Variants in MAML1 observed in about 807,000 individuals in gnomAD.
MAML1 encodes mastermind-like protein 1.
In MAML1, 14 loss-of-function variants were observed where a neutral mutation model predicts 77.1. The observed-to-expected ratio is 0.18, with a 90% CI of 0.12 to 0.28. MAML1 has a LOEUF of 0.28. MAML1 is among the 10% of genes least tolerant of loss of function. MAML1 has a pLI of 1.00. For synonymous variants in MAML1, 516 were observed against 551.9 expected (o/e 0.93, Z 0.91); for missense variants, 1,217 against 1,327.8 (o/e 0.92, Z 1.30).
Position 179,766,811 on chromosome 5 carries a change from T to G in MAML1, c.1731+70T>G, listed in dbSNP as rs527367242. The G allele has an allele frequency of 3.5e-5, 46 of 1,299,112 alleles. No homozygotes were observed. The Admixed American group carries it at 5.3e-4, about 15-fold the overall frequency. The allele number at this position is 1,299,112 out of a possible 1,614,324, so 80.5% of individuals were successfully genotyped here. ...CAGTGAGGTTACTCACTACTTTGGA[T>G]GTTAATTGGATCCGAGGTAGTTGTG... On this transcript the variant is annotated intron_variant, in intron 2 of 4. Transcript: ENST00000292599. The surrounding 1 kb of genome is among the most constrained non-coding windows in gnomAD (Gnocchi z 4.0).
intron 1 of MAML1, among the ~76,000 whole-genome samples, chr5:179,735,168 G>A (rs563234232): frequency 6.6e-6 from 1 of 151,844 alleles, no homozygotes; most frequent in Non-Finnish European, 1.5e-5. Flanking sequence ...AAAACTTAAA[G>A]TATGATAATA....
chr5:179,764,267 A>G (rs1043794277), intron 1 of MAML1, among the ~76,000 whole-genome samples: 2 of 152,192 alleles, frequency 1.3e-5, no homozygotes, highest in African/African-American at 4.8e-5. Context: ...CAGAATCTTA[A>G]TAACTTCAGT....
chr5:179,751,155 T>A (rs988453044), intron 1 of MAML1, among the ~76,000 whole-genome samples: 1 of 152,006 alleles, frequency 6.6e-6, no homozygotes, highest in Non-Finnish European at 1.5e-5. Flanking sequence ...TTATTTTTAG[T>A]AGAGACAGGG....
At chr5:179,758,767 C>A (rs926301140) in intron 1 of MAML1, among the ~76,000 whole-genome samples, 3 of 151,986 alleles carry the variant, frequency 2.0e-5, no homozygotes, top group African/African-American at 7.3e-5. Flanking sequence ...CTTTGGGAGA[C>A]CAAGGTGGGC....
At position 179,777,031 on chromosome 5, in the gene MAML1, C is replaced by T. The variant is rs1346691798; in HGVS notation, c.*2154C>T. ...ATGAAAGATGGAATAAGCGCTAGAG[C>T]TTCCAACTGTATATTTTTTACTTTT... is the stretch of plus-strand genomic sequence containing the variant. On this transcript the variant is annotated 3_prime_UTR_variant, in exon 5 of 5. Coordinates refer to ENST00000292599, the MANE Select transcript of MAML1 (RefSeq NM_014757.5). The T allele has an allele frequency of 2.0e-6, 2 of 983,684 alleles. No individual in the cohort carries two copies. The highest frequency in any genetic ancestry group is 3.5e-5 in the African/African-American group (2 of 57,192). The allele number at this position is 983,684 out of a possible 1,614,324, so 60.9% of individuals were successfully genotyped here.
chr5:179,747,731 A>AC lies in MAML1; in HGVS notation c.315+14308dup, dbSNP rs542453471. Among the ~76,000 whole-genome samples, 907 of 136,802 alleles carry AC rather than the reference A, an allele frequency of 6.6e-3. 9 individuals carry two copies. Among genetic ancestry groups the AC allele is most frequent in the African/African-American group, 0.023 (844 of 36,706 alleles). 89.7% of individuals were successfully genotyped at this position (136,802 alleles called of 152,430 possible). A position where few individuals can be genotyped will look rare whatever the true frequency, so the allele number is the denominator to read the frequency against. On this transcript the variant is annotated intron_variant, in intron 1 of 4. Transcript: ENST00000292599. ...AGGCTGAGGCAGGAGAATGGCGTGA[A>AC]CCCCGGGAGGCGGAGCCTGCAGTGA...
intron 1 of MAML1, among the ~76,000 whole-genome samples, chr5:179,737,672 T>C (rs1408460060): frequency 6.6e-6 from 1 of 152,170 alleles, no homozygotes; most frequent in Admixed American, 6.5e-5. Flanking sequence ...CACTTCAGAT[T>C]ATTGTTTTCT....
Position 179,776,140 on chromosome 5 carries a change from C to A in MAML1, c.*1263C>A. On this transcript the variant is annotated 3_prime_UTR_variant, in exon 5 of 5. Coordinates refer to ENST00000292599, the MANE Select transcript of MAML1 (RefSeq NM_014757.5). ...AAAACGAAGATGGAGAGAGCACTTC[C>A]CCGTAACGAAAGCAAAGTGGTAAGC... 1 of 985,868 alleles carries A rather than the reference C, an allele frequency of 1.0e-6. No homozygotes were observed. The highest frequency in any genetic ancestry group is 1.2e-6 in the Non-Finnish European group (1 of 829,928). 61.1% of individuals were successfully genotyped at this position (985,868 alleles called of 1,614,324 possible). A position where few individuals can be genotyped will look rare whatever the true frequency, so the allele number is the denominator to read the frequency against.
chr5:179,737,812 T>G (rs1233089257), intron 1 of MAML1, among the ~76,000 whole-genome samples: 1 of 152,184 alleles, frequency 6.6e-6, no homozygotes, highest in African/African-American at 2.4e-5. Flanking sequence ...TTTTCATTTC[T>G]TTTCCTTTTT....
At chr5:179,770,277 T>A (rs1284099221) in intron 3 of MAML1, among the ~76,000 whole-genome samples, 3 of 151,974 alleles carry the variant, frequency 2.0e-5, no homozygotes, top group Non-Finnish European at 4.4e-5. Flanking sequence ...TGAAACCCCG[T>A]CTCTACTAAA....
chr5:179,773,940 A>C lies in MAML1; in HGVS notation c.2114A>C (p.Asn705Thr). The C allele has an allele frequency of 6.2e-7, 1 of 1,614,128 alleles. No individual in the cohort carries two copies. Among genetic ancestry groups the C allele is most frequent in the Non-Finnish European group, 8.5e-7 (1 of 1,180,030 alleles). ...VPGMNTLGPS[N>T]SSCPRVFPQA... ...GGCATGAACACCTTGGGTCCATCCAACTCCAGCTGTCCTCGAGTGTTCCCT... is the reference window on the plus strand; with the variant it reads ...GGCATGAACACCTTGGGTCCATCCACCTCCAGCTGTCCTCGAGTGTTCCCT... Residue 705 changes from asparagine (N) to threonine (T), a missense_variant, in exon 5 of 5, where the codon AAC (asparagine) becomes ACC (threonine). This residue lies in a region of MAML1 where 884 missense variants were observed against 949.3 expected (regional missense o/e 0.93). Transcript: ENST00000292599.
chr5:179,776,975 GC>G lies in MAML1; in HGVS notation c.*2099del. 1 of 985,056 alleles carries G rather than the reference GC, an allele frequency of 1.0e-6. No homozygotes were observed. The highest frequency in any genetic ancestry group is 1.2e-6 in the Non-Finnish European group (1 of 829,186). 61.0% of individuals were successfully genotyped at this position (985,056 alleles called of 1,614,324 possible). On this transcript the variant is annotated 3_prime_UTR_variant, in exon 5 of 5. Transcript: ENST00000292599. ...GCTCAGACTTTTGTTATACACATTTGCTTTGTGTAAATAAATGTTTACAATT... is the reference window on the plus strand; with the variant it reads ...GCTCAGACTTTTGTTATACACATTTGTTTGTGTAAATAAATGTTTACAATT...
Position 179,767,005 on chromosome 5 carries a change from T to C in MAML1, c.1731+264T>C, listed in dbSNP as rs1374350799. 2.6e-5 allele frequency among the ~76,000 whole-genome samples: 4 copies of C among 152,292 alleles called. No individual in the cohort carries two copies. The South Asian group carries it at 8.3e-4, about 32-fold the overall frequency. ...GGAATCACCTGCATTTAGTCCACTG[T>C]CTCTTTCGTGCCGTAGGATTTAAAT... On this transcript the variant is annotated intron_variant, in intron 2 of 4. Transcript: ENST00000292599.
Position 179,747,808 on chromosome 5 carries a change from C to CAA in MAML1, c.315+14401_315+14402dup, listed in dbSNP as rs71001044. Among the ~76,000 whole-genome samples, 64 of 40,894 alleles carry CAA rather than the reference C, an allele frequency of 1.6e-3. 11 individuals carry two copies. Among genetic ancestry groups the CAA allele is most frequent in the African/African-American group, 5.8e-3 (59 of 10,140 alleles). 26.8% of individuals were successfully genotyped at this position (40,894 alleles called of 152,430 possible). Reference sequence around the variant, plus strand: ...CCTGGGCGACAGCGAGACTCCATCTCAAAAAAAAAAAAAAAAAAAAAGAAG... The same window carrying CAA: ...CCTGGGCGACAGCGAGACTCCATCTCAAAAAAAAAAAAAAAAAAAAAAAGAAG... On this transcript the variant is annotated intron_variant, in intron 1 of 4. Coordinates refer to ENST00000292599, the MANE Select transcript of MAML1 (RefSeq NM_014757.5).
intron 1 of MAML1, among the ~76,000 whole-genome samples, chr5:179,743,586 C>G (rs964327814): frequency 6.6e-6 from 1 of 150,892 alleles, no homozygotes; most frequent in African/African-American, 2.4e-5. Flanking sequence ...TAGCCAGCCT[C>G]GATCTCCTAA....
chr5:179,769,187 C>G lies in MAML1; in HGVS notation c.1971+98C>G. On this transcript the variant is annotated intron_variant, in intron 3 of 4. Coordinates refer to ENST00000292599, the MANE Select transcript of MAML1 (RefSeq NM_014757.5). This position sits in a 1 kb window ranked among gnomAD's most constrained non-coding sequence, Gnocchi z 4.2. Reference sequence around the variant, plus strand: ...CCTTCTGCTTGTGCGTGTGGATTTGCGCAGACTTGCGTGCCTGTTGTTAGA... The same window carrying G: ...CCTTCTGCTTGTGCGTGTGGATTTGGGCAGACTTGCGTGCCTGTTGTTAGA... The G allele has an allele frequency of 6.6e-7, 1 of 1,509,280 alleles. No homozygotes were observed. The highest frequency in any genetic ancestry group is 9.0e-7 in the Non-Finnish European group (1 of 1,111,664). 93.5% of individuals were successfully genotyped at this position (1,509,280 alleles called of 1,614,324 possible). A position where few individuals can be genotyped will look rare whatever the true frequency, so the allele number is the denominator to read the frequency against.
chr5:179,776,201 G>T lies in MAML1; in HGVS notation c.*1324G>T. ...ACCCTTTTACACAGAATGGTGGAGA[G>T]AAAAGAGAATGCTGAAAAGTGGCTC... On this transcript the variant is annotated 3_prime_UTR_variant, in exon 5 of 5. Transcript: ENST00000292599. The T allele has an allele frequency of 1.0e-6, 1 of 985,934 alleles. No homozygotes were observed. 61.1% of individuals were successfully genotyped at this position (985,934 alleles called of 1,614,324 possible). A position where few individuals can be genotyped will look rare whatever the true frequency, so the allele number is the denominator to read the frequency against.
rs61751563 is a variant in MAML1, at chr5:179,733,401, G to C, written c.289G>C (p.Gly97Arg). ...APAPRLDAAD[G>R]PEHGRPATHL... ...GGCCCCGCGCCTGGACGCCGCTGACGGCCCCGAGCACGGCCGCCCGGCCAC... is the reference window on the plus strand; with the variant it reads ...GGCCCCGCGCCTGGACGCCGCTGACCGCCCCGAGCACGGCCGCCCGGCCAC... The change falls in exon 1 of 5, where the codon GGC (glycine) becomes CGC (arginine). Residue 97 changes from glycine to arginine, a missense_variant. Coordinates refer to ENST00000292599, the MANE Select transcript of MAML1 (RefSeq NM_014757.5). 0.047 allele frequency: 53,687 copies of C among 1,151,656 alleles called. 1,354 individuals carry two copies. Among genetic ancestry groups the C allele is most frequent in the Middle Eastern group, 0.07 (192 of 2,724 alleles). The allele number at this position is 1,151,656 out of a possible 1,614,324, so 71.3% of individuals were successfully genotyped here. A position where few individuals can be genotyped will look rare whatever the true frequency, so the allele number is the denominator to read the frequency against.
chr5:179,738,370 A>G (rs749312989), intron 1 of MAML1, among the ~76,000 whole-genome samples: 2 of 152,190 alleles, frequency 1.3e-5, no homozygotes, highest in Admixed American at 6.5e-5. Context: ...TGAAATAACA[A>G]ATTATTTCCA....
Sources: gnomAD v4.1 joint callset for allele counts (sites outside exome capture counted in the v4.1 genomes callset) on GRCh38, gnomAD v4.1.1 for gene constraint, gnomAD v4.1.1 regional missense constraint, Gnocchi (gnomAD v3.1) non-coding constraint, MANE v1.5 for transcripts, NCBI Gene and HGNC (gene_info 2026-07-23, HGNC 2026-07-21) for gene names.